The following FAM131C variants were observed in gnomAD, a reference collection of about 807,000 sequenced individuals.
The protein encoded by FAM131C is family with sequence similarity 131 member C, also known as protein FAM131C.
FAM131C carries 14 observed loss-of-function variants against 29.8 expected under a neutral mutation model. That is an observed-to-expected ratio of 0.47 (90% CI 0.31 to 0.73). FAM131C has a LOEUF of 0.73. FAM131C is among the 30% of genes least tolerant of loss of function. The pLI is 0.05. For synonymous variants in FAM131C, 86 were observed against 157.8 expected (o/e 0.54, Z 3.41); for missense variants, 252 against 383.8 (o/e 0.66, Z 2.87).
chr1:16,063,393 TG>T, intron 2 of FAM131C, 127 bp downstream of exon 2: 1 of 720,926 alleles, frequency 1.4e-6, no homozygotes, highest in Non-Finnish European at 2.4e-6. Context: ...TTAGGGCCCC[TG>T]GTCCCACAGG....
At chr1:16,061,648 C>T (rs1037055955) in intron 4 of FAM131C, among the ~76,000 whole-genome samples, 7 of 152,166 alleles carry the variant, frequency 4.6e-5, no homozygotes, top group Non-Finnish European at 8.8e-5. Flanking sequence ...CCCAGTGGGA[C>T]CAGGTGGGCA....
rs1449158465 is a variant in FAM131C, at chr1:16,058,440, GT to G, written c.839del (p.Asn280ThrfsTer15). ...CTGGACCAGCACAGCCCCCACCTCA[GT>G]TATAGAACACCTCGTCCTCCTCCCA... is the stretch of plus-strand genomic sequence containing the variant. ...SLWEEDEVFYN is the reference protein window; with the variant it reads ...SLWEEDEVFYX On this transcript the variant is annotated frameshift_variant, in exon 7 of 7. Transcript: ENST00000375662. LOFTEE classifies it high-confidence loss of function. 6.8e-7 allele frequency: 1 copy of G among 1,467,724 alleles called. No individual in the cohort carries two copies. The highest frequency in any genetic ancestry group is 1.4e-5 in the African/African-American group (1 of 70,110). 90.9% of individuals were successfully genotyped at this position (1,467,724 alleles called of 1,614,324 possible). A position where few individuals can be genotyped will look rare whatever the true frequency, so the allele number is the denominator to read the frequency against.
intron 6 of FAM131C, among the ~76,000 whole-genome samples, 156 bp downstream of exon 6, chr1:16,059,338 C>T (rs1042098424): frequency 1.3e-5 from 2 of 152,118 alleles, no homozygotes; most frequent in African/African-American, 4.8e-5. Context: ...GGGCAATGGG[C>T]AAGGCAAGGA....
Position 16,058,045 on chromosome 1 carries a change from C to A in FAM131C, c.*392G>T, listed in dbSNP as rs1176924403. Reference sequence around the variant, plus strand: ...GTTGGGAGGGACTGAACCCCAGGTACAGGCAGGGTTCCCAGACCCCACTGT... The same window carrying A: ...GTTGGGAGGGACTGAACCCCAGGTAAAGGCAGGGTTCCCAGACCCCACTGT... On this transcript the variant is annotated 3_prime_UTR_variant, in exon 7 of 7. Transcript: ENST00000375662. The A allele has an allele frequency of 5.9e-6, 1 of 169,554 alleles. No homozygotes were observed. 10.5% of individuals were successfully genotyped at this position (169,554 alleles called of 1,614,324 possible).
chr1:16,063,008 G>A (rs1212131418), intron 2 of FAM131C, among the ~76,000 whole-genome samples: 1 of 152,072 alleles, frequency 6.6e-6, no homozygotes, highest in Non-Finnish European at 1.5e-5. Flanking sequence ...ACAGACCCTG[G>A]AGCAAGGGCG....
In FAM131C at chr1:16,058,102, T is replaced by A. The variant is rs2023512514; in HGVS notation, c.*335A>T. ...GTCTCAGTTCTCTCCATGGCTGTCC[T>A]CCTGGGGGCCTGGCTGTTGCTCCTC... On this transcript the variant is annotated 3_prime_UTR_variant, in exon 7 of 7. Transcript: ENST00000375662. The A allele has an allele frequency of 5.4e-6, 1 of 186,912 alleles. No homozygotes were observed. Among genetic ancestry groups the A allele is most frequent in the Non-Finnish European group, 1.1e-5 (1 of 89,680 alleles). The allele number at this position is 186,912 out of a possible 1,614,324, so 11.6% of individuals were successfully genotyped here.
chr1:16,073,355 G>A lies in FAM131C; in HGVS notation c.22+66C>T, dbSNP rs182250010. 3.0e-3 allele frequency: 2,917 copies of A among 961,536 alleles called. 59 individuals are homozygous for A. The African/African-American group carries it at 0.043, about 14-fold the overall frequency. The allele number at this position is 961,536 out of a possible 1,614,324, so 59.6% of individuals were successfully genotyped here. On this transcript the variant is annotated intron_variant, in intron 1 of 6. Transcript: ENST00000375662. Reference sequence around the variant, plus strand: ...CGCCAGCCCCATCCCCCAGGTCTCCGAGCGGCGAGGGGACTGCGCGGGTCC... The same window carrying A: ...CGCCAGCCCCATCCCCCAGGTCTCCAAGCGGCGAGGGGACTGCGCGGGTCC...
chr1:16,059,642 G>A (rs938673357), intron 5 of FAM131C, 38 bp from the exon 6 acceptor site: 30 of 1,528,616 alleles, frequency 2.0e-5, no homozygotes, highest in Non-Finnish European at 2.5e-5. Context: ...GGGGGCATGG[G>A]TGGGGACGGC....
chr1:16,071,130 C>T (rs1330115359), intron 1 of FAM131C, among the ~76,000 whole-genome samples: 2 of 152,234 alleles, frequency 1.3e-5, no homozygotes, highest in African/African-American at 4.8e-5. Context: ...AGGCACTGAG[C>T]GCTCAGAGGC....
chr1:16,069,848 A>G (rs1474231577), intron 1 of FAM131C, among the ~76,000 whole-genome samples: 4 of 151,868 alleles, frequency 2.6e-5, no homozygotes, highest in African/African-American at 9.7e-5. Context: ...TGCAGCTTCG[A>G]CCTCCTGGGT....
chr1:16,070,928 G>A (rs755591861), intron 1 of FAM131C, among the ~76,000 whole-genome samples: 2 of 152,250 alleles, frequency 1.3e-5, no homozygotes, highest in African/African-American at 2.4e-5. Context: ...AACTGCTGCC[G>A]ATGCTGGGAT....
chr1:16,067,341 AAC>A (rs905541732), intron 1 of FAM131C, among the ~76,000 whole-genome samples: 35 of 152,176 alleles, frequency 2.3e-4, no homozygotes, highest in African/African-American at 8.4e-4. Flanking sequence ...CAACTGGAAA[AAC>A]ACAGAGTGTC....
At chr1:16,068,628 AT>A (rs2023712137) in intron 1 of FAM131C, among the ~76,000 whole-genome samples, 1 of 152,070 alleles carries the variant, frequency 6.6e-6, no homozygotes, top group Non-Finnish European at 1.5e-5. Flanking sequence ...TCCCCAGGAC[AT>A]TTGTTTACAG....
chr1:16,059,041 G>A (rs1291287669), intron 6 of FAM131C, among the ~76,000 whole-genome samples: 1 of 151,950 alleles, frequency 6.6e-6, no homozygotes, highest in Non-Finnish European at 1.5e-5. Flanking sequence ...CAGGGCCAAG[G>A]CTCCTTGAAG....
At chr1:16,062,062 A>C in intron 4 of FAM131C, 37 bp downstream of exon 4, 1 of 1,604,370 alleles carries the variant, frequency 6.2e-7, no homozygotes, top group Non-Finnish European at 8.5e-7. Context: ...GGGACCGTGC[A>C]TTCTCCACCG....
rs529013174 is a variant in FAM131C, at chr1:16,066,178, C to T, written c.23-2542G>A. Among the ~76,000 whole-genome samples the T allele has an allele frequency of 8.5e-5, 13 of 152,318 alleles. No homozygotes were observed. In the East Asian group the frequency reaches 2.1e-3, roughly 25 times the overall value. On this transcript the variant is annotated intron_variant, in intron 1 of 6. Transcript: ENST00000375662. ...CTGGGATTACAGGCATGAGCCACCA[C>T]GCCCAGCCTGAGATTCAAGTTTTCA... is the stretch of plus-strand genomic sequence containing the variant.
At chr1:16,073,059 T>A (rs1206015441) in intron 1 of FAM131C, among the ~76,000 whole-genome samples, 2 of 151,962 alleles carry the variant, frequency 1.3e-5, no homozygotes, top group South Asian at 2.1e-4. Flanking sequence ...GGTCTGCTAG[T>A]TCTCCCGGTG....
intron 1 of FAM131C, among the ~76,000 whole-genome samples, chr1:16,067,315 G>T (rs1249112076): frequency 6.6e-6 from 1 of 152,202 alleles, no homozygotes; most frequent in East Asian, 1.9e-4. Context: ...GGGACTGGTG[G>T]TCACGTCACC....
intron 1 of FAM131C, among the ~76,000 whole-genome samples, chr1:16,067,239 T>G (rs938348115): frequency 2.6e-5 from 4 of 151,758 alleles, no homozygotes; most frequent in Non-Finnish European, 4.4e-5. Context: ...CACAGGCTGG[T>G]TGCCATGGGG....
Sources: gnomAD v4.1 joint callset for allele counts (sites outside exome capture counted in the v4.1 genomes callset) on GRCh38, gnomAD v4.1.1 for gene constraint, MANE v1.5 for transcripts, NCBI Gene and HGNC (gene_info 2026-07-23, HGNC 2026-07-21) for gene names.